Variants in ZNF85 observed in about 807,000 individuals in gnomAD.
ZNF85 encodes zinc finger protein 85, also known as zinc finger protein 85 (HPF4, HTF1).
Under a neutral mutation model 53.9 loss-of-function variants are expected in ZNF85, and 50 were observed. That is an observed-to-expected ratio of 0.93 (90% confidence interval 0.74 to 1.17). The LOEUF (loss-of-function observed/expected upper bound fraction) is 1.17, where lower values mean the gene tolerates loss of function less well. Among genes scored for constraint, ZNF85 ranks in the 50% most tolerant of loss-of-function variants. The pLI is 0.00. For missense variants in ZNF85, 747 were observed against 688.5 expected (o/e 1.08, Z -0.95); for synonymous variants, 225 against 226.1 (o/e 1.00, Z 0.04).
At chr19:20,948,679 C>A in intron 3 of ZNF85, 65 bp from the exon 4 acceptor site, 1 of 1,236,566 alleles carries the variant, frequency 8.1e-7, no homozygotes, top group Non-Finnish European at 1.1e-6. Flanking sequence ...TTATATATTA[C>A]ATTTGTAAAC....
rs777956448 is a variant in ZNF85, at chr19:20,949,629, G to A, written c.1115G>A (p.Cys372Tyr). ...CATACTGGAGAGAAACCCTACAAAT[G>A]TGAAAAATGTGGAAAAGCCTTTAAT... ...VIHTGEKPYK[C>Y]EKCGKAFNHF... is the part of the protein sequence containing the mutation. Residue 372 changes from cysteine (C) to tyrosine (Y), a missense_variant, in exon 4 of 4, where the codon TGT becomes TAT. Transcript: ENST00000328178. The A allele has an allele frequency of 5.6e-6, 9 of 1,612,890 alleles. No homozygotes were observed. Among genetic ancestry groups the A allele is most frequent in the Non-Finnish European group, 7.6e-6 (9 of 1,179,514 alleles).
At chr19:20,947,014 TTCTC>T (rs138342907) in intron 3 of ZNF85, among the ~76,000 whole-genome samples, 16,999 of 151,828 alleles carry the variant, frequency 0.11, 988 homozygotes, top group Non-Finnish European at 0.13. Context: ...GTTCCCAATT[TTCTC>T]TCTCTCTTTC....
At chr19:20,938,876 GTATATATA>G (rs140643694) in intron 3 of ZNF85, among the ~76,000 whole-genome samples, 59 of 140,566 alleles carry the variant, frequency 4.2e-4, no homozygotes, top group Admixed American at 6.9e-4. Flanking sequence ...GTGTGTGTGT[GTATATATA>G]TGTGTGTGTG....
chr19:20,937,507 A>T, intron 3 of ZNF85: 1 of 354,482 alleles, frequency 2.8e-6, no homozygotes, highest in Non-Finnish European at 5.5e-6. Context: ...GGGTAGCTGT[A>T]ACTCCCATTT....
At chr19:20,929,054 A>G (rs944574888) in intron 1 of ZNF85, among the ~76,000 whole-genome samples, 1 of 150,948 alleles carries the variant, frequency 6.6e-6, no homozygotes, top group African/African-American at 2.4e-5. Flanking sequence ...ACTAGGCCTC[A>G]GTGTCTGTTG....
rs746942638 is a variant in ZNF85 at position 20,949,955 on chromosome 19, C to A, written c.1441C>A (p.Pro481Thr). The change falls in exon 4 of 4, where the codon CCT becomes ACT. Residue 481 changes from proline to threonine, a missense_variant. Coordinates refer to ENST00000328178, the MANE Select transcript of ZNF85 (RefSeq NM_003429.5). ...RHKKSHTEEK[P>T]YKCEECGKGF... ...TAAGAAAAGTCATACAGAAGAGAAA[C>A]CTTACAAATGTGAAGAATGTGGCAA... 5.0e-6 allele frequency: 8 copies of A among 1,612,544 alleles called. No homozygotes were observed. The Admixed American group carries it at 5.0e-5, about 10-fold the overall frequency.
chr19:20,930,162 G>C lies in ZNF85; in HGVS notation c.4-3862G>C, dbSNP rs190989120. Among the ~76,000 whole-genome samples, 961 of 148,138 alleles carry C rather than the reference G, an allele frequency of 6.5e-3. 3 individuals are homozygous for C. Among genetic ancestry groups the C allele is most frequent in the Middle Eastern group, 0.014 (4 of 276 alleles). On this transcript the variant is annotated intron_variant, in intron 1 of 3. Coordinates refer to ENST00000328178, the MANE Select transcript of ZNF85 (RefSeq NM_003429.5). Reference sequence around the variant, plus strand: ...AAAAAAGAAATCAGAGTTTTTGTCTGGTGAATCCTTCTGCCTTTCTAGAGT... The same window carrying C: ...AAAAAAGAAATCAGAGTTTTTGTCTCGTGAATCCTTCTGCCTTTCTAGAGT...
chr19:20,934,782 C>CAA (rs57803900), intron 2 of ZNF85, among the ~76,000 whole-genome samples, 167 bp from the exon 3 acceptor site: 11,486 of 78,116 alleles, frequency 0.15, 692 homozygotes, highest in Non-Finnish European at 0.18. Flanking sequence ...GACTCCATCT[C>CAA]AAAAAAAAAA....
chr19:20,936,053 T>G (rs1973151058), intron 3 of ZNF85, among the ~76,000 whole-genome samples: 1 of 152,212 alleles, frequency 6.6e-6, no homozygotes, highest in South Asian at 2.1e-4. Flanking sequence ...TCTCAGAAAT[T>G]TATTATTTTG....
At chr19:20,926,095 G>GA (rs1361268812) in intron 1 of ZNF85, among the ~76,000 whole-genome samples, 2 of 151,968 alleles carry the variant, frequency 1.3e-5, no homozygotes, top group East Asian at 3.9e-4. Flanking sequence ...TGTTATCAGG[G>GA]AAAAAATTAG....
In ZNF85 at chr19:20,942,383, C is replaced by T. The variant is rs568476156; in HGVS notation, c.230-6361C>T. On this transcript the variant is annotated intron_variant, in intron 3 of 3. Transcript: ENST00000328178. ...GGTCTTGAACTCCTGACCTCATGATCCACCTGCCTTGGCCTCCCAAAGTGC... is the reference window on the plus strand; with the variant it reads ...GGTCTTGAACTCCTGACCTCATGATTCACCTGCCTTGGCCTCCCAAAGTGC... Among the ~76,000 whole-genome samples, 408 of 152,182 alleles carry T rather than the reference C, an allele frequency of 2.7e-3. 2 individuals are homozygous for T. Among genetic ancestry groups the T allele is most frequent in the African/African-American group, 8.8e-3 (366 of 41,538 alleles).
At chr19:20,934,921 T>G (rs1973120332) in intron 2 of ZNF85, 28 bp from the exon 3 acceptor site, 1 of 1,515,128 alleles carries the variant, frequency 6.6e-7, no homozygotes, top group Non-Finnish European at 9.0e-7. Flanking sequence ...ATGAGCAAGA[T>G]TTATATTATT....
intron 3 of ZNF85, among the ~76,000 whole-genome samples, chr19:20,938,373 C>G (rs1438311760): frequency 1.3e-5 from 2 of 152,122 alleles, no homozygotes; most frequent in Non-Finnish European, 2.9e-5. Flanking sequence ...TCCTAGGATG[C>G]TCTTGAAATC....
intron 1 of ZNF85, among the ~76,000 whole-genome samples, chr19:20,924,512 C>A (rs764379542): frequency 6.6e-6 from 1 of 152,160 alleles, no homozygotes; most frequent in Non-Finnish European, 1.5e-5. Context: ...TTTTCCCCTG[C>A]ATTTTTCACA....
rs537698282 is a variant in ZNF85 at position 20,941,368 on chromosome 19, G to A, written c.229+6321G>A. ...TGCAGCCTCTGCCTCTGGGGTTCAA[G>A]CAATTCTCCTCAGCCTCCTGAGTAG... On this transcript the variant is annotated intron_variant, in intron 3 of 3. Transcript: ENST00000328178. Among the ~76,000 whole-genome samples, 7 of 152,254 alleles carry A rather than the reference G, an allele frequency of 4.6e-5. No individual in the cohort carries two copies. In the South Asian group the frequency reaches 1.5e-3, roughly 32 times the overall value.
At chr19:20,931,464 C>T (rs1399863640) in intron 1 of ZNF85, among the ~76,000 whole-genome samples, 1 of 152,080 alleles carries the variant, frequency 6.6e-6, no homozygotes, top group Non-Finnish European at 1.5e-5. Context: ...CCTCATGTGA[C>T]TCTTAAGTTG....
chr19:20,933,664 A>C (rs1973080555), intron 1 of ZNF85, among the ~76,000 whole-genome samples: 2 of 152,214 alleles, frequency 1.3e-5, no homozygotes, highest in African/African-American at 4.8e-5. Context: ...CATCTGAAAA[A>C]TATACACAAC....
chr19:20,943,469 A>G (rs886961539), intron 3 of ZNF85: 1 of 152,256 alleles, frequency 6.6e-6, no homozygotes, highest in Non-Finnish European at 1.5e-5. Context: ...GCCTTCCACC[A>G]TTGTGGAAGC....
Position 20,940,217 on chromosome 19 carries a change from C to T in ZNF85, c.229+5170C>T, listed in dbSNP as rs1292748930. Among the ~76,000 whole-genome samples the T allele has an allele frequency of 2.0e-5, 3 of 151,282 alleles. No individual in the cohort carries two copies. The East Asian group carries it at 5.8e-4, about 29-fold the overall frequency. On this transcript the variant is annotated intron_variant, in intron 3 of 3. Coordinates refer to ENST00000328178, the MANE Select transcript of ZNF85 (RefSeq NM_003429.5). ...TGTTTTTAAAACACATAAAGTTTGT[C>T]ATCTTAAATCTATTGAAGTGTACAT... is the stretch of plus-strand genomic sequence containing the variant.
Sources: allele counts gnomAD v4.1 joint callset (sites outside exome capture counted in the v4.1 genomes callset), GRCh38; gene constraint gnomAD v4.1.1; transcripts MANE v1.5; gene names NCBI Gene and HGNC (gene_info 2026-07-23, HGNC 2026-07-21).